The following CD226 variants were observed in gnomAD, a reference collection of about 807,000 sequenced individuals.
CD226 encodes the protein CD226 antigen.
In CD226, 24 loss-of-function variants were observed where a neutral mutation model predicts 34.9. The observed-to-expected ratio is 0.69, with a 90% confidence interval of 0.50 to 0.97. The LOEUF is 0.97. CD226 is among the 50% of genes least tolerant of loss of function. The probability of loss-of-function intolerance (pLI) is 0.00; values close to 1 mark genes in which losing one functional copy is unlikely to be tolerated. For synonymous variants in CD226, 148 were observed against 147.4 expected (o/e 1.00, Z -0.03); for missense variants, 397 against 412.7 (o/e 0.96, Z 0.33).
intron 2 of CD226, among the ~76,000 whole-genome samples, chr18:69,918,186 A>G (rs2055408577): frequency 6.6e-6 from 1 of 152,234 alleles, no homozygotes; most frequent in South Asian, 2.1e-4. Context: ...AGCTTACAAA[A>G]AGAGTCACCT....
At chr18:69,878,875 T>C (rs1475647943) in intron 3 of CD226, among the ~76,000 whole-genome samples, 1 of 152,094 alleles carries the variant, frequency 6.6e-6, no homozygotes, top group Non-Finnish European at 1.5e-5. Context: ...CCCCTGATAA[T>C]TCAATGTAGG....
intron 2 of CD226, among the ~76,000 whole-genome samples, chr18:69,923,738 GGT>G (rs1339305657): frequency 6.6e-6 from 1 of 152,168 alleles, no homozygotes; most frequent in African/African-American, 2.4e-5. Context: ...CGGATCACGA[GGT>G]CAGGAGATCG....
At chr18:69,904,838 T>C (rs1157056407) in intron 2 of CD226, among the ~76,000 whole-genome samples, 2 of 152,198 alleles carry the variant, frequency 1.3e-5, no homozygotes, top group African/African-American at 2.4e-5. Flanking sequence ...CAATTTAATG[T>C]AGACTTTCTG....
At chr18:69,888,738 T>C (rs1984710493) in intron 3 of CD226, among the ~76,000 whole-genome samples, 1 of 152,120 alleles carries the variant, frequency 6.6e-6, no homozygotes, top group African/African-American at 2.4e-5. Context: ...CAAACTTGCA[T>C]TGTTTATAGT....
intron 4 of CD226, among the ~76,000 whole-genome samples, chr18:69,867,820 A>G (rs950118945): frequency 6.6e-6 from 1 of 151,328 alleles, no homozygotes; most frequent in African/African-American, 2.5e-5. Context: ...AAGCTTTATA[A>G]AATCTTTTGG....
At chr18:69,888,523 C>A (rs895799873) in intron 3 of CD226, among the ~76,000 whole-genome samples, 2 of 149,396 alleles carry the variant, frequency 1.3e-5, no homozygotes, top group Non-Finnish European at 3.0e-5. Context: ...GGCTCAAGGA[C>A]TCCTACCGCC....
chr18:69,875,479 C>T (rs542741190), intron 3 of CD226, among the ~76,000 whole-genome samples: 6 of 152,310 alleles, frequency 3.9e-5, no homozygotes, highest in Middle Eastern at 3.4e-3. Context: ...GTACCAATAA[C>T]GAGTGTACCC....
chr18:69,946,256 AAGAG>A lies in CD226; in HGVS notation c.382+474_382+477del, dbSNP rs910041203. ...GGAAAGAAAGGAAAGAAAAGAAAGAAAGAGAGAGAGAGAAAGAAAGAAAGAGAAA... is the reference window on the plus strand; with the variant it reads ...GGAAAGAAAGGAAAGAAAAGAAAGAAAGAGAGAGAAAGAAAGAAAGAGAAA... On this transcript the variant is annotated intron_variant, in intron 2 of 5. Coordinates refer to ENST00000582621, the MANE Select transcript of CD226 (RefSeq NM_001303618.2). 9.7e-4 allele frequency among the ~76,000 whole-genome samples: 146 copies of A among 150,482 alleles called. 1 individual carries two copies. The highest frequency in any genetic ancestry group is 2.8e-3 in the African/African-American group (114 of 40,826).
chr18:69,891,817 C>T (rs1598977285), intron 3 of CD226, among the ~76,000 whole-genome samples: 1 of 152,158 alleles, frequency 6.6e-6, no homozygotes, highest in African/African-American at 2.4e-5. Context: ...AATCATATAG[C>T]AACTTATTCT....
At chr18:69,872,844 C>G in intron 4 of CD226, among the ~76,000 whole-genome samples, 1 of 152,190 alleles carries the variant, frequency 6.6e-6, no homozygotes, top group East Asian at 1.9e-4. Flanking sequence ...GTGTCATACA[C>G]GCACACACAC....
chr18:69,861,733 G>C lies in CD226; in HGVS notation c.*2581C>G, dbSNP rs1028614172. 6.6e-6 allele frequency: 1 copy of C among 151,606 alleles called. No individual in the cohort carries two copies. Among genetic ancestry groups the C allele is most frequent in the Non-Finnish European group, 1.5e-5 (1 of 67,822 alleles). The allele number at this position is 151,606 out of a possible 1,614,324, so 9.4% of individuals were successfully genotyped here. A position where few individuals can be genotyped will look rare whatever the true frequency, so the allele number is the denominator to read the frequency against. On this transcript the variant is annotated 3_prime_UTR_variant, in exon 6 of 6. Coordinates refer to ENST00000582621, the MANE Select transcript of CD226 (RefSeq NM_001303618.2). ...AATCATAGGTGCAAAAGAGTAGAGG[G>C]GGAGAAACATACACTAGGGAGAGTC...
chr18:69,913,900 T>A (rs763042226), intron 2 of CD226, among the ~76,000 whole-genome samples: 2 of 152,158 alleles, frequency 1.3e-5, no homozygotes, highest in African/African-American at 4.8e-5. Context: ...AGGAAGAAGA[T>A]GTTTCTTACT....
intron 2 of CD226, among the ~76,000 whole-genome samples, chr18:69,903,347 G>A (rs1245268930): frequency 6.6e-6 from 1 of 152,156 alleles, no homozygotes; most frequent in African/African-American, 2.4e-5. Context: ...GAGAATGCAA[G>A]CTCCTGCCTA....
At chr18:69,919,293 C>T (rs2055422834) in intron 2 of CD226, among the ~76,000 whole-genome samples, 1 of 152,092 alleles carries the variant, frequency 6.6e-6, no homozygotes, top group African/African-American at 2.4e-5. Context: ...ACGGAGCAAC[C>T]CAGGCAATTT....
chr18:69,918,701 T>A (rs998306865), intron 2 of CD226, among the ~76,000 whole-genome samples: 3 of 152,200 alleles, frequency 2.0e-5, no homozygotes, highest in African/African-American at 7.2e-5. Flanking sequence ...CACTGTGAGC[T>A]CTGTGCAGGG....
intron 2 of CD226, among the ~76,000 whole-genome samples, chr18:69,943,091 C>T (rs1319374073): frequency 2.0e-5 from 3 of 152,156 alleles, no homozygotes; most frequent in Non-Finnish European, 4.4e-5. Flanking sequence ...GTGAGTCTAC[C>T]ACCCTGAACC....
Position 69,919,925 on chromosome 18 carries a change from G to GCAAT in CD226, c.383-23884_383-23881dup, listed in dbSNP as rs576369532. On this transcript the variant is annotated intron_variant, in intron 2 of 5. Coordinates refer to ENST00000582621, the MANE Select transcript of CD226 (RefSeq NM_001303618.2). The stretch of plus-strand genomic sequence containing the variant: ...CAAGGTCTCGCTCTATTGCCCATGA[G>GCAAT]CAATCACAGGTCACTGAAGCCCCGA... Among the ~76,000 whole-genome samples, 98 of 149,002 alleles carry GCAAT rather than the reference G, an allele frequency of 6.6e-4. 1 individual carries two copies. Among genetic ancestry groups the GCAAT allele is most frequent in the African/African-American group, 1.9e-3 (76 of 40,288 alleles).
At position 69,867,358 on chromosome 18, in the gene CD226, T is replaced by C; in HGVS notation, c.884A>G (p.Lys295Arg). The C allele has an allele frequency of 6.3e-7, 1 of 1,591,008 alleles. No homozygotes were observed. Among genetic ancestry groups the C allele is most frequent in the Non-Finnish European group, 8.6e-7 (1 of 1,159,380 alleles). ...DLFTESWDTQ[K>R]APNNYRSPIS... Reference sequence around the variant, plus strand: ...AATGACAGTTCCGTATAAACTTACCTTCTGTGTATCCCAGGACTCTGTAAA... The same window carrying C: ...AATGACAGTTCCGTATAAACTTACCCTCTGTGTATCCCAGGACTCTGTAAA... Residue 295 changes from lysine to arginine, a missense_variant and splice_region_variant, in exon 5 of 6, where the codon AAG (lysine) becomes AGG (arginine). By Grantham distance (26) the Lys-to-Arg change is conservative (BLOSUM62 2). Transcript: ENST00000582621.
chr18:69,876,481 C>CAGAT (rs1983871089), intron 3 of CD226, among the ~76,000 whole-genome samples: 1 of 152,174 alleles, frequency 6.6e-6, no homozygotes, highest in Admixed American at 6.5e-5. Context: ...CCTCTTGGAT[C>CAGAT]AGATCCATTT....
Sources: allele counts gnomAD v4.1 joint callset (sites outside exome capture counted in the v4.1 genomes callset), GRCh38; gene constraint gnomAD v4.1.1; transcripts MANE v1.5; gene names NCBI Gene and HGNC (gene_info 2026-07-23, HGNC 2026-07-21).